Variants in VDAC1 observed in about 807,000 individuals in gnomAD.
VDAC1 encodes non-selective voltage-gated ion channel VDAC1.
A neutral mutation model predicts 34.7 loss-of-function variants in VDAC1; 10 were observed. The observed-to-expected ratio is 0.29, with a 90% confidence interval of 0.18 to 0.49. The LOEUF (loss-of-function observed/expected upper bound fraction) is 0.49, where lower values mean the gene tolerates loss of function less well. VDAC1 is among the 20% of genes least tolerant of loss of function. The pLI, the probability that VDAC1 is intolerant of heterozygous loss-of-function variation, is 0.99. For synonymous variants in VDAC1, 130 were observed against 136.0 expected, an observed-to-expected ratio of 0.96 and a Z score of 0.30; for missense variants, 230 against 347.9, an observed-to-expected ratio of 0.66 and a Z score of 2.69.
chr5:134,051,418 T>C, the VDAC1 span, among the ~76,000 whole-genome samples: 1 of 152,238 alleles, frequency 6.6e-6, no homozygotes, highest in African/African-American at 2.4e-5. Flanking sequence ...AAAAGACTGC[T>C]ACAGAGTCAC....
the VDAC1 span, among the ~76,000 whole-genome samples, chr5:134,048,258 G>A: frequency 6.6e-6 from 1 of 151,732 alleles, no homozygotes; most frequent in Admixed American, 6.6e-5. Flanking sequence ...ATGAGCCACC[G>A]CACCAGGCCT....
chr5:134,014,941 A>G, the VDAC1 span, among the ~76,000 whole-genome samples: 1 of 152,220 alleles, frequency 6.6e-6, no homozygotes, highest in Admixed American at 6.6e-5. Context: ...TCACAATAGC[A>G]GAGACATGGA....
the VDAC1 span, among the ~76,000 whole-genome samples, chr5:134,030,689 C>T: frequency 6.6e-6 from 1 of 151,808 alleles, no homozygotes; most frequent in Non-Finnish European, 1.5e-5. Flanking sequence ...CTCACCGCAA[C>T]CTCCATCTCC....
the VDAC1 span, among the ~76,000 whole-genome samples, chr5:134,086,704 T>C: frequency 1.3e-5 from 2 of 152,172 alleles, no homozygotes; most frequent in Non-Finnish European, 1.5e-5. Flanking sequence ...CCCCTTCCCC[T>C]TCCCCTTCTC....
upstream of VDAC1, among the ~76,000 whole-genome samples, chr5:134,005,865 G>A (rs1048684220): frequency 6.6e-6 from 1 of 152,206 alleles, no homozygotes; most frequent in Non-Finnish European, 1.5e-5. Context: ...GTCCTGGAAG[G>A]CTTGAGGCGT....
At chr5:133,989,641 T>C (rs914402074) in intron 5 of VDAC1, among the ~76,000 whole-genome samples, 10 of 151,776 alleles carry the variant, frequency 6.6e-5, no homozygotes, top group African/African-American at 2.4e-4. Flanking sequence ...ATCACAGGCA[T>C]GAGTCACTGC....
At chr5:134,045,527 G>A in the VDAC1 span, among the ~76,000 whole-genome samples, 66 of 152,218 alleles carry the variant, frequency 4.3e-4, no homozygotes, top group Non-Finnish European at 9.1e-4. Context: ...CATCTTCAAA[G>A]CCAGCAGCAT....
chr5:134,028,799 G>A, the VDAC1 span, among the ~76,000 whole-genome samples: 1 of 152,186 alleles, frequency 6.6e-6, no homozygotes, highest in African/African-American at 2.4e-5. Flanking sequence ...CCTAGGCCCT[G>A]TATCATCTGC....
chr5:134,094,224 C>T, the VDAC1 span, among the ~76,000 whole-genome samples: 9 of 152,372 alleles, frequency 5.9e-5, no homozygotes, highest in East Asian at 1.2e-3. Flanking sequence ...AGGTCATTCG[C>T]GTTCCAGGCA....
chr5:133,990,804 AC>A, intron 5 of VDAC1, 50 bp downstream of exon 5: 1 of 1,511,498 alleles, frequency 6.6e-7, no homozygotes, highest in Non-Finnish European at 8.8e-7. Flanking sequence ...GGCTTCCACC[AC>A]CTGCAACATC....
At chr5:133,990,771 C>A (rs1245444474) in intron 5 of VDAC1, 84 bp downstream of exon 5, 1 of 1,468,488 alleles carries the variant, frequency 6.8e-7, no homozygotes, top group African/African-American at 1.4e-5. Context: ...TGCTGTCAGC[C>A]CCCAAAACAT....
At chr5:134,037,737 G>A in the VDAC1 span, among the ~76,000 whole-genome samples, 1 of 152,248 alleles carries the variant, frequency 6.6e-6, no homozygotes, top group Admixed American at 6.5e-5. Context: ...CATCAGGGAG[G>A]TTGGGTCTTA....
the VDAC1 span, among the ~76,000 whole-genome samples, chr5:134,113,104 C>T: frequency 6.6e-6 from 1 of 152,208 alleles, no homozygotes; most frequent in Non-Finnish European, 1.5e-5. Context: ...CTCTCCCCTC[C>T]GGGCAGGGCC....
At chr5:133,991,932 A>T (rs1410375741) in intron 3 of VDAC1, among the ~76,000 whole-genome samples, 1 of 152,076 alleles carries the variant, frequency 6.6e-6, no homozygotes, top group Non-Finnish European at 1.5e-5. Context: ...CTGAATCTAA[A>T]ATCTTTTTTA....
chr5:134,089,787 C>T, the VDAC1 span, among the ~76,000 whole-genome samples: 5 of 152,098 alleles, frequency 3.3e-5, no homozygotes, highest in East Asian at 3.9e-4. Flanking sequence ...GTCAGGAGTT[C>T]GAGACCAGCC....
the VDAC1 span, among the ~76,000 whole-genome samples, chr5:134,026,594 T>G: frequency 6.6e-6 from 1 of 150,710 alleles, no homozygotes; most frequent in South Asian, 2.1e-4. Flanking sequence ...CTGACTCCCC[T>G]GGCTGCCACA....
At chr5:133,986,507 C>T (rs953751896) in intron 5 of VDAC1, among the ~76,000 whole-genome samples, 12 of 152,078 alleles carry the variant, frequency 7.9e-5, no homozygotes, top group African/African-American at 2.9e-4. Flanking sequence ...AGCAATTCTC[C>T]TGCCTCAGCC....
chr5:134,075,437 A>G, the VDAC1 span, among the ~76,000 whole-genome samples: 9 of 152,210 alleles, frequency 5.9e-5, no homozygotes, highest in Admixed American at 5.9e-4. Context: ...TCAGACTACT[A>G]TTCACACACT....
At chr5:134,094,175 C>T in the VDAC1 span, among the ~76,000 whole-genome samples, 1 of 152,220 alleles carries the variant, frequency 6.6e-6, no homozygotes, top group Admixed American at 6.5e-5. Flanking sequence ...AAGCACGAAG[C>T]TATTCCTGCC....
Sources: allele counts gnomAD v4.1 joint callset (sites outside exome capture counted in the v4.1 genomes callset), GRCh38; gene constraint gnomAD v4.1.1; transcripts MANE v1.5; gene names NCBI Gene and HGNC (gene_info 2026-07-23, HGNC 2026-07-21).